ANXA4: variants seen among roughly 807,000 people sequenced by gnomAD.
The protein encoded by ANXA4 is annexin A4.
In ANXA4, 39 loss-of-function variants were observed where a neutral mutation model predicts 49.8. That is an observed-to-expected ratio of 0.78 (90% CI 0.61 to 1.02). The LOEUF is 1.02. Among genes scored for constraint, ANXA4 ranks in the 50% least tolerant of loss-of-function variants. The pLI is 0.00. For synonymous variants in ANXA4, 134 were observed against 152.5 expected (o/e 0.88, Z 0.89); for missense variants, 360 against 410.1 (o/e 0.88, Z 1.05).
At chr2:69,745,184 T>C (rs1670560533) in intron 1 of ANXA4, among the ~76,000 whole-genome samples, 1 of 152,062 alleles carries the variant, frequency 6.6e-6, no homozygotes, top group African/African-American at 2.4e-5. Flanking sequence ...GGGTTTGACA[T>C]GTGGATAAGG....
At chr2:69,643,951 G>T, upstream of ANXA4, 4 of 1,070,090 alleles carry the variant, frequency 3.7e-6, no homozygotes, top group Non-Finnish European at 4.6e-6. Context: ...TTCTGGAAAA[G>T]ACTGTTGATA....
chr2:69,736,072 C>T (rs777715187), intron 3 of ANXA4, among the ~76,000 whole-genome samples: 1 of 152,150 alleles, frequency 6.6e-6, no homozygotes, highest in Non-Finnish European at 1.5e-5. Context: ...GAGAGCTAAC[C>T]GATGCCTAGA....
At chr2:69,718,950 GAT>G (rs2105423067) in intron 2 of ANXA4, among the ~76,000 whole-genome samples, 1 of 150,808 alleles carries the variant, frequency 6.6e-6, no homozygotes, top group East Asian at 2.0e-4. Context: ...AGCTTTTCCT[GAT>G]ATTCCAAGTC....
At position 69,820,830 on chromosome 2, in the gene ANXA4, C is replaced by T; in HGVS notation, c.906+9C>T. The T allele has an allele frequency of 1.2e-6, 2 of 1,613,428 alleles. No individual in the cohort carries two copies. Among genetic ancestry groups the T allele is most frequent in the South Asian group, 1.1e-5 (1 of 90,962 alleles). On this transcript the variant is annotated intron_variant, in intron 12 of 12. Coordinates refer to ENST00000394295, the MANE Select transcript of ANXA4 (RefSeq NM_001153.5). ...TGTACTCGTTCATCAAGGTAGGTCA[C>T]AGCAGCCTAAGTCCAGAGTAAAGGA...
At chr2:69,740,151 C>T (rs147860859), upstream of ANXA4, among the ~76,000 whole-genome samples, 5 of 152,262 alleles carry the variant, frequency 3.3e-5, no homozygotes, top group Admixed American at 1.3e-4. Context: ...GGGGTGCCAA[C>T]GCATCTACTT....
chr2:69,810,466 T>C, intron 6 of ANXA4, 128 bp from the exon 7 acceptor site: 1 of 712,620 alleles, frequency 1.4e-6, no homozygotes. Flanking sequence ...GTGTGTGGGG[T>C]GAAAAAACCT....
intron 1 of ANXA4, chr2:69,781,077 C>T (rs993786027): frequency 8.9e-5 from 14 of 156,430 alleles, no homozygotes; most frequent in Admixed American, 8.9e-4. Flanking sequence ...ATTACACACA[C>T]ACAAACACAC....
intron 1 of ANXA4, among the ~76,000 whole-genome samples, chr2:69,780,493 GC>G (rs1456089355): frequency 6.6e-6 from 1 of 152,210 alleles, no homozygotes; most frequent in Admixed American, 6.5e-5. Context: ...ACCACGCCCA[GC>G]CAGGTTCTGC....
At position 69,757,742 on chromosome 2, in the gene ANXA4, A is replaced by T. The variant is rs149313952; in HGVS notation, c.-47+15567A>T. On this transcript the variant is annotated intron_variant, in intron 1 of 12. Transcript: ENST00000394295. ...GGGAGGCCAAGGTGGGTGGATCACG[A>T]GGTCGAGAGATTGAGACCATCCTGG... Among the ~76,000 whole-genome samples, 17 of 151,684 alleles carry T rather than the reference A, an allele frequency of 1.1e-4. No homozygotes were observed. In the South Asian group the frequency reaches 1.3e-3, roughly 11 times the overall value.
intron 1 of ANXA4, among the ~76,000 whole-genome samples, chr2:69,745,508 T>C (rs1670573486): frequency 6.6e-6 from 1 of 152,182 alleles, no homozygotes; most frequent in African/African-American, 2.4e-5. Flanking sequence ...AGGCCTCACT[T>C]TGAGAAACTA....
chr2:69,720,377 T>A (rs1669784984), intron 2 of ANXA4, among the ~76,000 whole-genome samples: 1 of 152,178 alleles, frequency 6.6e-6, no homozygotes, highest in African/African-American at 2.4e-5. Flanking sequence ...CAAAGGCTCA[T>A]AGGTGAAAGA....
At chr2:69,813,339 C>T (rs1035508619) in intron 8 of ANXA4, among the ~76,000 whole-genome samples, 2 of 151,926 alleles carry the variant, frequency 1.3e-5, no homozygotes, top group Non-Finnish European at 2.9e-5. Flanking sequence ...ACCTCCGCCT[C>T]CTGGGTTCAA....
At chr2:69,786,557 C>T (rs1672424063) in intron 2 of ANXA4, among the ~76,000 whole-genome samples, 1 of 152,200 alleles carries the variant, frequency 6.6e-6, no homozygotes, top group Non-Finnish European at 1.5e-5. Flanking sequence ...CTGCCTTGCT[C>T]TGGCCCCAGC....
chr2:69,691,920 C>T (rs535567777), intron 2 of ANXA4, among the ~76,000 whole-genome samples: 1 of 152,170 alleles, frequency 6.6e-6, no homozygotes, highest in Non-Finnish European at 1.5e-5. Flanking sequence ...GAGTCTCACT[C>T]TGTCACCCAG....
intron 2 of ANXA4, among the ~76,000 whole-genome samples, chr2:69,656,413 A>ATATATATGTATATATATG: frequency 7.3e-6 from 1 of 137,140 alleles, no homozygotes; most frequent in Non-Finnish European, 1.5e-5. Context: ...ATATATATGT[A>ATATATATGTATATATATG]TATATATATG....
chr2:69,655,407 G>T (rs1320114999), intron 2 of ANXA4, among the ~76,000 whole-genome samples: 3 of 152,128 alleles, frequency 2.0e-5, no homozygotes, highest in Non-Finnish European at 4.4e-5. Flanking sequence ...CATTTATGTA[G>T]CCAAAAAACA....
chr2:69,786,453 C>G (rs1201219227), intron 2 of ANXA4, among the ~76,000 whole-genome samples: 2 of 152,126 alleles, frequency 1.3e-5, no homozygotes, highest in East Asian at 3.9e-4. Context: ...ATAGATAAGT[C>G]AGATCACATG....
At chr2:69,786,162 G>C (rs1672405610) in intron 2 of ANXA4, among the ~76,000 whole-genome samples, 2 of 152,158 alleles carry the variant, frequency 1.3e-5, no homozygotes. Context: ...GAATCTGGTA[G>C]TCTTCCTCCA....
chr2:69,819,391 C>T, intron 11 of ANXA4, 53 bp downstream of exon 11: 1 of 1,373,582 alleles, frequency 7.3e-7, no homozygotes, highest in Non-Finnish European at 1.0e-6. Flanking sequence ...CTTGTGTCCA[C>T]CTTCTTAAGC....
Sources: allele counts gnomAD v4.1 joint callset (sites outside exome capture counted in the v4.1 genomes callset), GRCh38; gene constraint gnomAD v4.1.1; transcripts MANE v1.5; gene names NCBI Gene and HGNC (gene_info 2026-07-23, HGNC 2026-07-21).